The following LCN6 variants were observed in gnomAD, a reference collection of about 807,000 sequenced individuals.
LCN6 encodes epididymal-specific lipocalin-6.
Under a neutral mutation model 21.4 loss-of-function variants are expected in LCN6, and 20 were observed. The ratio of observed to expected loss-of-function variants is 0.93; its 90% CI spans 0.66 to 1.36. The LOEUF is 1.36. Ranked by LOEUF, LCN6 falls within the 40% of genes most tolerant of loss-of-function variation. The pLI, the probability that LCN6 is intolerant of heterozygous loss-of-function variation, is 0.00. For missense variants in LCN6, 217 were observed against 206.6 expected (o/e 1.05, Z -0.31); for synonymous variants, 96 against 89.0 (o/e 1.08, Z -0.44).
At position 136,744,620 on chromosome 9, in the gene LCN6, C is replaced by T. The variant is rs2131075468; in HGVS notation, c.*22+20G>A. The T allele has an allele frequency of 3.3e-6, 5 of 1,522,990 alleles. No individual in the cohort carries two copies. In the South Asian group the frequency reaches 5.7e-5, roughly 17 times the overall value. The allele number at this position is 1,522,990 out of a possible 1,614,324, so 94.3% of individuals were successfully genotyped here. Reference sequence around the variant, plus strand: ...AACTTGCCCCAAGCCTCCCCCGAGGCTGCTCCGGTGGACACTCACGGTCCT... The same window carrying T: ...AACTTGCCCCAAGCCTCCCCCGAGGTTGCTCCGGTGGACACTCACGGTCCT... On this transcript the variant is annotated intron_variant, in intron 5 of 6. Coordinates refer to ENST00000341206, the MANE Select transcript of LCN6 (RefSeq NM_198946.3). The surrounding 1 kb of genome is among the most constrained non-coding windows in gnomAD (Gnocchi z 4.2).
rs897145040 is a variant in LCN6 at position 136,744,653 on chromosome 9, C to T, written c.*9G>A. ...GTGGACACTCACGGTCCTTCTGCAG[C>T]TGGGCCTGCTACTGTGACAGGAAGC... On this transcript the variant is annotated 3_prime_UTR_variant, in exon 5 of 7. Coordinates refer to ENST00000341206, the MANE Select transcript of LCN6 (RefSeq NM_198946.3). This position sits in a 1 kb window ranked among gnomAD's most constrained non-coding sequence, Gnocchi z 4.2. 6.2e-7 allele frequency: 1 copy of T among 1,602,158 alleles called. No individual in the cohort carries two copies. Among genetic ancestry groups the T allele is most frequent in the Admixed American group, 1.7e-5 (1 of 59,606 alleles).
rs369703786 is a variant in LCN6, at chr9:136,747,817, C to T, written c.91-254G>A. ...AACCCTCCCGCCCTCCAGCCTCCAA[C>T]CTTCCAGCCTTGCAGCCTCTAGCCT... On this transcript the variant is annotated intron_variant, in intron 1 of 6. Coordinates refer to ENST00000341206, the MANE Select transcript of LCN6 (RefSeq NM_198946.3). 2.0e-3 allele frequency among the ~76,000 whole-genome samples: 230 copies of T among 114,380 alleles called. 2 individuals are homozygous for T. Among genetic ancestry groups the T allele is most frequent in the African/African-American group, 9.3e-3 (212 of 22,762 alleles). The allele number at this position is 114,380 out of a possible 152,430, so 75.0% of individuals were successfully genotyped here.
Position 136,744,657 on chromosome 9 carries a change from G to C in LCN6, c.*5C>G, listed in dbSNP as rs1428970358. On this transcript the variant is annotated 3_prime_UTR_variant, in exon 5 of 7. Transcript: ENST00000341206. The surrounding 1 kb of genome is among the most constrained non-coding windows in gnomAD (Gnocchi z 4.2). ...ACACTCACGGTCCTTCTGCAGCTGG[G>C]CCTGCTACTGTGACAGGAAGCCCAG... 6.2e-7 allele frequency: 1 copy of C among 1,604,126 alleles called. No homozygotes were observed. Among genetic ancestry groups the C allele is most frequent in the East Asian group, 2.2e-5 (1 of 44,652 alleles).
chr9:136,745,100 TCCCAACGTGGGCCCCGAGTGGCCCAC>T (rs2131076253), intron 4 of LCN6, 44 bp downstream of exon 4: 13 of 155,578 alleles, frequency 8.4e-5, no homozygotes, highest in East Asian at 3.2e-4. Flanking sequence ...ACCACACAGC[TCCCAACGTGGGCCCCGAGTGGCCCAC>T]GCACCACACA....
rs927406634 is a variant in LCN6 at position 136,747,137 on chromosome 9, G to A, written c.230+287C>T. ...TCCCCAGCTCTGACCACAGCCTGCA[G>A]CCCAGATGACCCAGGACAGGGATGC... On this transcript the variant is annotated intron_variant, in intron 2 of 6. Transcript: ENST00000341206. 3.9e-5 allele frequency among the ~76,000 whole-genome samples: 6 copies of A among 152,332 alleles called. No homozygotes were observed. The Middle Eastern group carries it at 0.01, about 259-fold the overall frequency.
Position 136,746,659 on chromosome 9 carries a change from C to T in LCN6, c.231-745G>A, listed in dbSNP as rs746144527. 2.6e-5 allele frequency among the ~76,000 whole-genome samples: 4 copies of T among 152,058 alleles called. No homozygotes were observed. In the South Asian group the frequency reaches 6.2e-4, roughly 24 times the overall value. ...GGGGCCCCTGCCCATACCCTGCAGG[C>T]GCAGGTGCAGGGGGAAGGCACGCTG... On this transcript the variant is annotated intron_variant, in intron 2 of 6. Transcript: ENST00000341206.
At chr9:136,746,015 G>T in intron 2 of LCN6, 101 bp from the exon 3 acceptor site, 3 of 985,268 alleles carry the variant, frequency 3.0e-6, no homozygotes, top group Non-Finnish European at 4.8e-6. Context: ...CCAGCAGTGA[G>T]GCCAGAGCTT....
intron 1 of LCN6, among the ~76,000 whole-genome samples, chr9:136,748,021 CCCTCCAG>C (rs1342336972): frequency 6.8e-6 from 1 of 148,062 alleles, no homozygotes; most frequent in African/African-American, 2.6e-5. Context: ...AGTTCTGCAG[CCCTCCAG>C]CCTCCAGCCC....
chr9:136,745,961 G>A, intron 2 of LCN6, 47 bp from the exon 3 acceptor site: 1 of 1,563,962 alleles, frequency 6.4e-7, no homozygotes, highest in Non-Finnish European at 8.8e-7. Flanking sequence ...AGACCCCGGG[G>A]CCCGGTGAGA....
At chr9:136,746,100 G>A (rs1207868414) in intron 2 of LCN6, 186 bp from the exon 3 acceptor site, 11 of 606,070 alleles carry the variant, frequency 1.8e-5, no homozygotes, top group African/African-American at 1.1e-4. Flanking sequence ...CCTGAGAGGG[G>A]CGGACACTCC....
At chr9:136,745,529 G>C in intron 3 of LCN6, 1 of 590,156 alleles carries the variant, frequency 1.7e-6, no homozygotes, top group South Asian at 2.0e-5. Context: ...GCCTGTCCCA[G>C]GTGTGAACGA....
Position 136,745,065 on chromosome 9 carries a change from C to A in LCN6, c.412+105G>T, listed in dbSNP as rs2811725. ...GCGGCCCACTCACCACACAGCTCCC[C>A]ACGCGGCCCCCAAGCGGCCCACGCA... On this transcript the variant is annotated intron_variant, in intron 4 of 6. Transcript: ENST00000341206. 4.7e-5 allele frequency: 46 copies of A among 984,364 alleles called. No homozygotes were observed. The African/African-American group carries it at 7.2e-4, about 15-fold the overall frequency. The allele number at this position is 984,364 out of a possible 1,614,324, so 61.0% of individuals were successfully genotyped here. A position where few individuals can be genotyped will look rare whatever the true frequency, so the allele number is the denominator to read the frequency against.
chr9:136,746,502 G>C (rs1454991496), intron 2 of LCN6, among the ~76,000 whole-genome samples: 4 of 152,180 alleles, frequency 2.6e-5, no homozygotes, highest in African/African-American at 7.2e-5. Context: ...GCCAAGGAAG[G>C]AAACTGAGGC....
chr9:136,746,494 C>T (rs1383899803), intron 2 of LCN6, among the ~76,000 whole-genome samples: 1 of 152,074 alleles, frequency 6.6e-6, no homozygotes, highest in Non-Finnish European at 1.5e-5. Context: ...TGGTGTTTGC[C>T]AAGGAAGGAA....
At chr9:136,746,577 C>T in intron 2 of LCN6, among the ~76,000 whole-genome samples, 1 of 152,126 alleles carries the variant, frequency 6.6e-6, no homozygotes. Context: ...CCACCTCAGC[C>T]TGGAGCCCCT....
chr9:136,744,745 G>A lies in LCN6; in HGVS notation c.413-4C>T, dbSNP rs2131075709. ...TGGCTGGCTGTCTCCGTCAGACCTG[G>A]GGGCACCAGGGCAGTGCAGGGGGAA... On this transcript the variant is annotated splice_region_variant and splice_polypyrimidine_tract_variant and intron_variant, in intron 4 of 6. Coordinates refer to ENST00000341206, the MANE Select transcript of LCN6 (RefSeq NM_198946.3). This position sits in a 1 kb window ranked among gnomAD's most constrained non-coding sequence, Gnocchi z 4.2. 6.2e-7 allele frequency: 1 copy of A among 1,606,038 alleles called. No homozygotes were observed. Among genetic ancestry groups the A allele is most frequent in the South Asian group, 1.1e-5 (1 of 90,272 alleles).
At position 136,744,735 on chromosome 9, in the gene LCN6, G is replaced by A. The variant is rs564461494; in HGVS notation, c.419C>T (p.Thr140Met). The A allele has an allele frequency of 2.2e-5, 36 of 1,608,040 alleles. No individual in the cohort carries two copies. Among genetic ancestry groups the A allele is most frequent in the Middle Eastern group, 1.7e-4 (1 of 5,854 alleles). The change falls in exon 5 of 7, where the codon ACG becomes ATG. Residue 140 changes from threonine to methionine, a missense_variant. Physicochemically the swap from Thr to Met is moderately conservative, Grantham distance 81 (BLOSUM62 -1). Coordinates refer to ENST00000341206, the MANE Select transcript of LCN6 (RefSeq NM_198946.3). This position sits in a 1 kb window ranked among gnomAD's most constrained non-coding sequence, Gnocchi z 4.2. ...CATGGCCTCCTGGCTGGCTGTCTCC[G>A]TCAGACCTGGGGGCACCAGGGCAGT... ...PFNTVELYSLTETASQEAMGL... is the reference protein window; with the variant it reads ...PFNTVELYSLMETASQEAMGL...
Position 136,745,294 on chromosome 9 carries a change from C to G in LCN6, c.302-14G>C. The G allele has an allele frequency of 6.3e-7, 1 of 1,576,054 alleles. No homozygotes were observed. Among genetic ancestry groups the G allele is most frequent in the South Asian group, 1.1e-5 (1 of 90,382 alleles). On this transcript the variant is annotated splice_polypyrimidine_tract_variant and intron_variant, in intron 3 of 6. Coordinates refer to ENST00000341206, the MANE Select transcript of LCN6 (RefSeq NM_198946.3). ...GCACGCCTATTGCTAGGAAACAAAA[C>G]CCCCCGCCTCAGGGGAGGGCAGCTG...
At chr9:136,746,315 G>T (rs113292071) in intron 2 of LCN6, among the ~76,000 whole-genome samples, 2 of 131,362 alleles carry the variant, frequency 1.5e-5, no homozygotes, top group African/African-American at 5.9e-5. Flanking sequence ...GATGGGGCGG[G>T]GTGGGGGTTC....
Sources: allele counts gnomAD v4.1 joint callset (sites outside exome capture counted in the v4.1 genomes callset), GRCh38; gene constraint gnomAD v4.1.1; non-coding constraint Gnocchi (gnomAD v3.1); transcripts MANE v1.5; gene names NCBI Gene and HGNC (gene_info 2026-07-23, HGNC 2026-07-21).